ALK: variants seen among roughly 807,000 people sequenced by gnomAD.
The protein encoded by ALK is ALK tyrosine kinase receptor.
Under a neutral mutation model 163.1 loss-of-function variants are expected in ALK, and 74 were observed. The observed-to-expected ratio is 0.45, with a 90% CI of 0.38 to 0.55. ALK has a LOEUF of 0.55. Ranked by LOEUF, ALK falls within the 20% of genes least tolerant of loss-of-function variation. The probability of loss-of-function intolerance (pLI) is 0.00; values close to 1 mark genes in which losing one functional copy is unlikely to be tolerated. For synonymous variants in ALK, 960 were observed against 843.2 expected (o/e 1.14, Z -2.40); for missense variants, 2,063 against 2,105.3 (o/e 0.98, Z 0.39).
chr2:29,382,815 C>A (rs1038158931), intron 5 of ALK, among the ~76,000 whole-genome samples: 2 of 152,168 alleles, frequency 1.3e-5, no homozygotes, highest in Admixed American at 1.3e-4. Context: ...GGTGATTTTT[C>A]TTTTCCCCAC....
At chr2:29,474,371 T>C (rs998157700) in intron 4 of ALK, among the ~76,000 whole-genome samples, 2 of 152,244 alleles carry the variant, frequency 1.3e-5, no homozygotes, top group Non-Finnish European at 2.9e-5. Context: ...TACCTGCCGG[T>C]AAGTGTTTCA....
At chr2:29,653,304 T>C (rs761870720) in intron 3 of ALK, among the ~76,000 whole-genome samples, 4 of 152,110 alleles carry the variant, frequency 2.6e-5, no homozygotes, top group South Asian at 2.1e-4. Flanking sequence ...GAAATATTGA[T>C]GCTAAAGAGG....
At chr2:29,569,568 C>T (rs75351759) in intron 3 of ALK, among the ~76,000 whole-genome samples, 1 of 77,818 alleles carries the variant, frequency 1.3e-5, no homozygotes, top group Non-Finnish European at 2.5e-5. Context: ...TTTCTTCCCC[C>T]CCCCTAGTGA....
chr2:29,622,249 C>G (rs1393613297), intron 3 of ALK, among the ~76,000 whole-genome samples: 3 of 152,114 alleles, frequency 2.0e-5, no homozygotes, highest in Non-Finnish European at 4.4e-5. Context: ...GTGTATTAGC[C>G]TGTTTTCACG....
At chr2:29,355,201 T>C (rs929383741) in intron 5 of ALK, among the ~76,000 whole-genome samples, 2 of 152,188 alleles carry the variant, frequency 1.3e-5, no homozygotes, top group African/African-American at 4.8e-5. Context: ...TCCATTTGTG[T>C]GGTGCATTCA....
At chr2:29,394,773 T>C (rs1235366413) in intron 4 of ALK, among the ~76,000 whole-genome samples, 1 of 152,218 alleles carries the variant, frequency 6.6e-6, no homozygotes, top group Non-Finnish European at 1.5e-5. Context: ...GAATCTGGAA[T>C]TTGGTTTCCT....
rs554943228 is a variant in ALK at position 29,225,751 on chromosome 2, C to CTT, written c.3068-188_3068-187dup. 1.2e-3 allele frequency among the ~76,000 whole-genome samples: 186 copies of CTT among 152,244 alleles called. 1 individual carries two copies. Among genetic ancestry groups the CTT allele is most frequent in the African/African-American group, 4.3e-3 (177 of 41,540 alleles). ...ACCAGACTCATCCCGATTTGACAGGCTTTTAGCAGTAGCTTTTGGGTGAAG... is the reference window on the plus strand; with the variant it reads ...ACCAGACTCATCCCGATTTGACAGGCTTTTTTAGCAGTAGCTTTTGGGTGAAG... On this transcript the variant is annotated intron_variant, in intron 18 of 28. Coordinates refer to ENST00000389048, the MANE Select transcript of ALK (RefSeq NM_004304.5).
chr2:29,764,928 C>T (rs910120521), intron 1 of ALK, among the ~76,000 whole-genome samples: 1 of 152,138 alleles, frequency 6.6e-6, no homozygotes, highest in Non-Finnish European at 1.5e-5. Context: ...GGGGGCAGAT[C>T]TCCCGATGGT....
intron 1 of ALK, among the ~76,000 whole-genome samples, chr2:29,800,131 G>A (rs189663130): frequency 9.2e-5 from 14 of 152,208 alleles, no homozygotes; most frequent in African/African-American, 3.4e-4. Context: ...GAGGGGTGGA[G>A]AGGAATGTGA....
intron 1 of ALK, among the ~76,000 whole-genome samples, chr2:29,862,354 AT>A (rs1666317887): frequency 6.6e-6 from 1 of 152,132 alleles, no homozygotes; most frequent in Non-Finnish European, 1.5e-5. Context: ...AATAAGTTAA[AT>A]TGACACTGTT....
At chr2:29,200,695 G>A (rs1669135053) in intron 26 of ALK, among the ~76,000 whole-genome samples, 2 of 90,374 alleles carry the variant, frequency 2.2e-5, no homozygotes, top group Admixed American at 1.0e-4. Context: ...CTTTGCACCA[G>A]AGCATTTAAA....
At chr2:29,490,881 G>A (rs1671883956) in intron 4 of ALK, among the ~76,000 whole-genome samples, 1 of 152,154 alleles carries the variant, frequency 6.6e-6, no homozygotes, top group South Asian at 2.1e-4. Flanking sequence ...ATTTCAAGAT[G>A]TCTGCAACAG....
At chr2:29,682,117 G>A (rs540503576) in intron 3 of ALK, among the ~76,000 whole-genome samples, 1 of 152,326 alleles carries the variant, frequency 6.6e-6, no homozygotes, top group African/African-American at 2.4e-5. Flanking sequence ...TGCCTATTCT[G>A]TTTCCAGAGT....
intron 9 of ALK, among the ~76,000 whole-genome samples, chr2:29,292,934 G>T (rs1040970910): frequency 6.6e-6 from 1 of 152,154 alleles, no homozygotes; most frequent in Admixed American, 6.5e-5. Context: ...TCTGACTAGA[G>T]CCCTTTTCTC....
At chr2:29,220,430 A>AGAGT (rs1491129586) in intron 23 of ALK, among the ~76,000 whole-genome samples, 1 of 152,196 alleles carries the variant, frequency 6.6e-6, no homozygotes, top group Non-Finnish European at 1.5e-5. Context: ...TAAATTACTC[A>AGAGT]GAGTCAGGTA....
intron 4 of ALK, among the ~76,000 whole-genome samples, chr2:29,465,012 A>G (rs1671174606): frequency 6.6e-6 from 1 of 152,244 alleles, no homozygotes; most frequent in South Asian, 2.1e-4. Flanking sequence ...TAACTCTTTG[A>G]AGAAATAATA....
chr2:29,295,953 A>G (rs1269569168), intron 9 of ALK, among the ~76,000 whole-genome samples: 1 of 152,162 alleles, frequency 6.6e-6, no homozygotes, highest in Non-Finnish European at 1.5e-5. Flanking sequence ...AGCACCCACC[A>G]TGAGGGTTCA....
chr2:29,680,137 A>C (rs972477551), intron 3 of ALK, among the ~76,000 whole-genome samples: 1 of 151,942 alleles, frequency 6.6e-6, no homozygotes, highest in Non-Finnish European at 1.5e-5. Flanking sequence ...TAACAATATG[A>C]TGATGATATG....
chr2:29,547,374 A>G (rs1364645842), intron 3 of ALK, among the ~76,000 whole-genome samples: 1 of 152,220 alleles, frequency 6.6e-6, no homozygotes, highest in East Asian at 1.9e-4. Context: ...AGGTGGGCAG[A>G]TTGCCTCAGC....
Sources: allele counts gnomAD v4.1 joint callset (sites outside exome capture counted in the v4.1 genomes callset), GRCh38; gene constraint gnomAD v4.1.1; transcripts MANE v1.5; gene names NCBI Gene and HGNC (gene_info 2026-07-23, HGNC 2026-07-21).